Variants in SERPINB13 observed in about 807,000 individuals in gnomAD.
SERPINB13 encodes serpin family B member 13, also known as serpin B13.
Under a neutral mutation model 31.2 loss-of-function variants are expected in SERPINB13, and 26 were observed. The ratio of observed to expected loss-of-function variants is 0.83; its 90% CI spans 0.61 to 1.15. The LOEUF is 1.15. Ranked by LOEUF, SERPINB13 falls within the 50% of genes most tolerant of loss-of-function variation. SERPINB13 has a pLI of 0.00. For missense variants in SERPINB13, 510 were observed against 469.4 expected (o/e 1.09, Z -0.80); for synonymous variants, 191 against 172.4 (o/e 1.11, Z -0.85).
At chr18:63,588,605 G>A (rs1483627437) in intron 1 of SERPINB13, 46 bp from the exon 2 acceptor site, 2 of 1,562,144 alleles carry the variant, frequency 1.3e-6, no homozygotes, top group Admixed American at 3.4e-5. Flanking sequence ...CCCTGACACA[G>A]AGTAATTCAA....
In SERPINB13 at chr18:63,598,197, C is replaced by G. The variant is rs184307966; in HGVS notation, c.*834C>G. ...CTTTTTGGAAAGCTCTGAATCTATACCTAATGCTCTTAATTATTGGCTTGT... is the reference window on the plus strand; with the variant it reads ...CTTTTTGGAAAGCTCTGAATCTATAGCTAATGCTCTTAATTATTGGCTTGT... On this transcript the variant is annotated 3_prime_UTR_variant, in exon 8 of 8. Transcript: ENST00000344731. The G allele has an allele frequency of 6.6e-6, 1 of 150,388 alleles. No individual in the cohort carries two copies. Among genetic ancestry groups the G allele is most frequent in the Non-Finnish European group, 1.5e-5 (1 of 67,770 alleles). The allele number at this position is 150,388 out of a possible 1,614,324, so 9.3% of individuals were successfully genotyped here. A position where few individuals can be genotyped will look rare whatever the true frequency, so the allele number is the denominator to read the frequency against.
At chr18:63,596,896 G>A in intron 7 of SERPINB13, 63 bp from the exon 8 acceptor site, 1 of 1,350,656 alleles carries the variant, frequency 7.4e-7, no homozygotes, top group Non-Finnish European at 1.0e-6. Flanking sequence ...ACAAATCAGT[G>A]TTACACTGTT....
chr18:63,591,983 C>T lies in SERPINB13; in HGVS notation c.226-365C>T, dbSNP rs111490638. 1.1e-4 allele frequency among the ~76,000 whole-genome samples: 17 copies of T among 152,132 alleles called. No individual in the cohort carries two copies. In the South Asian group the frequency reaches 1.2e-3, roughly 11 times the overall value. ...CAAACTTCAATAGATAAGAATCGTC[C>T]GGAGAAATCACTTACTTTCCTTAGA... On this transcript the variant is annotated intron_variant, in intron 3 of 7. Transcript: ENST00000344731.
intron 2 of SERPINB13, 110 bp downstream of exon 2, chr18:63,588,942 A>T (rs1182123511): frequency 5.1e-6 from 6 of 1,167,346 alleles, no homozygotes; most frequent in Middle Eastern, 3.0e-4. Flanking sequence ...TGACCTGTGG[A>T]CCAGGAAACA....
At chr18:63,587,485 T>C in intron 1 of SERPINB13, 35 bp downstream of exon 1, 1 of 467,236 alleles carries the variant, frequency 2.1e-6, no homozygotes, top group Non-Finnish European at 4.4e-6. Context: ...TTAAGACCTC[T>C]GTATTTTGAG....
intron 1 of SERPINB13, among the ~76,000 whole-genome samples, chr18:63,587,833 A>T (rs1386105956): frequency 6.6e-6 from 1 of 152,244 alleles, no homozygotes; most frequent in African/African-American, 2.4e-5. Flanking sequence ...GTTTTAAAGT[A>T]GTTGGTAATG....
rs1912036488 is a variant in SERPINB13, at chr18:63,594,416, G to A, written c.534G>A (p.Val178=). The A allele has an allele frequency of 1.2e-6, 2 of 1,614,038 alleles. No homozygotes were observed. Among genetic ancestry groups the A allele is most frequent in the Non-Finnish European group, 1.7e-6 (2 of 1,179,992 alleles). ...SISSSTKLVL[V]NMVYFKGQWD... Reference sequence around the variant, plus strand: ...GTAGCTCTACCAAGCTGGTGCTGGTGAACATGGTTTATTTTAAAGGGCAAT... The same window carrying A: ...GTAGCTCTACCAAGCTGGTGCTGGTAAACATGGTTTATTTTAAAGGGCAAT... The change falls in exon 6 of 8, where the codon GTG becomes GTA. Residue 178 remains valine, a synonymous_variant. Transcript: ENST00000344731.
chr18:63,596,454 T>A (rs1912172269), intron 7 of SERPINB13, among the ~76,000 whole-genome samples: 1 of 152,222 alleles, frequency 6.6e-6, no homozygotes, highest in Non-Finnish European at 1.5e-5. Flanking sequence ...TTAGTAACTA[T>A]CAAATCTATC....
At chr18:63,588,551 A>G in intron 1 of SERPINB13, 100 bp from the exon 2 acceptor site, 1 of 1,239,410 alleles carries the variant, frequency 8.1e-7, no homozygotes, top group Non-Finnish European at 1.1e-6. Flanking sequence ...AAATCCCTGT[A>G]TTCCGGATCG....
At chr18:63,591,862 T>TC (rs1317927426) in intron 3 of SERPINB13, among the ~76,000 whole-genome samples, 1 of 152,040 alleles carries the variant, frequency 6.6e-6, no homozygotes, top group East Asian at 1.9e-4. Context: ...ATTTTTTTTT[T>TC]CCCCTGGAGA....
intron 2 of SERPINB13, 60 bp downstream of exon 2, chr18:63,588,892 T>C: frequency 1.3e-6 from 2 of 1,543,296 alleles, no homozygotes; most frequent in Non-Finnish European, 8.8e-7. Context: ...GGCGGGGGGG[T>C]TGTCAGCCCT....
intron 2 of SERPINB13, 69 bp from the exon 3 acceptor site, chr18:63,589,587 C>T (rs1345783526): frequency 1.1e-5 from 18 of 1,575,474 alleles, no homozygotes; most frequent in Non-Finnish European, 1.5e-5. Flanking sequence ...CGTCCACTCT[C>T]CCCTGACTGA....
intron 4 of SERPINB13, 69 bp downstream of exon 4, chr18:63,592,545 A>C (rs757001534): frequency 2.7e-6 from 4 of 1,506,380 alleles, no homozygotes; most frequent in Non-Finnish European, 3.6e-6. Context: ...TGGTAGGACT[A>C]TGGGTCCTGA....
chr18:63,588,665 A>G lies in SERPINB13; in HGVS notation c.-3A>G, dbSNP rs755515615. 7 of 1,614,168 alleles carry G rather than the reference A, an allele frequency of 4.3e-6. No homozygotes were observed. In the East Asian group the frequency reaches 1.6e-4, roughly 36 times the overall value. ...TGCTATTCTAGGTCTCGCTAAAATCATCATGGATTCACTTGGCGCCGTCAG... is the reference window on the plus strand; with the variant it reads ...TGCTATTCTAGGTCTCGCTAAAATCGTCATGGATTCACTTGGCGCCGTCAG... On this transcript the variant is annotated 5_prime_UTR_variant, in exon 2 of 8. Transcript: ENST00000344731.
intron 5 of SERPINB13, 24 bp from the exon 6 acceptor site, chr18:63,594,331 C>G (rs11152396): frequency 0.79 from 1,269,956 of 1,611,310 alleles, 501,564 homozygotes; most frequent in East Asian, 0.89. Flanking sequence ...ATGGGTCAAC[C>G]TTTTTCTGTT....
chr18:63,593,074 G>T lies in SERPINB13; in HGVS notation c.472+103G>T, dbSNP rs561191607. 8 of 749,906 alleles carry T rather than the reference G, an allele frequency of 1.1e-5. 1 individual carries two copies. The South Asian group carries it at 1.2e-4, about 11-fold the overall frequency. 46.5% of individuals were successfully genotyped at this position (749,906 alleles called of 1,614,324 possible). ...CTGCTGTGAATGAAGCCCTGGACTT[G>T]TCACTGCGTGGGGTGCCATGCAGTG... On this transcript the variant is annotated intron_variant, in intron 5 of 7. Coordinates refer to ENST00000344731, the MANE Select transcript of SERPINB13 (RefSeq NM_012397.4).
chr18:63,593,104 A>T, intron 5 of SERPINB13, 133 bp downstream of exon 5: 1 of 619,106 alleles, frequency 1.6e-6, no homozygotes, highest in Non-Finnish European at 2.8e-6. Context: ...GCAGTGCACA[A>T]GCTTTGGGAA....
At position 63,592,342 on chromosome 18, in the gene SERPINB13, T is replaced by G; in HGVS notation, c.226-6T>G. 6.2e-7 allele frequency: 1 copy of G among 1,606,170 alleles called. No individual in the cohort carries two copies. Among genetic ancestry groups the G allele is most frequent in the Non-Finnish European group, 8.5e-7 (1 of 1,176,706 alleles). On this transcript the variant is annotated splice_region_variant and splice_polypyrimidine_tract_variant and intron_variant, in intron 3 of 7. Coordinates refer to ENST00000344731, the MANE Select transcript of SERPINB13 (RefSeq NM_012397.4). ...AACCTGTTGAGATTTTGTTTTAATTTTCAAGATTGAGAACACAGAAGCAGT... is the reference window on the plus strand; with the variant it reads ...AACCTGTTGAGATTTTGTTTTAATTGTCAAGATTGAGAACACAGAAGCAGT...
At chr18:63,587,710 C>A (rs182067220) in intron 1 of SERPINB13, among the ~76,000 whole-genome samples, 112 of 152,322 alleles carry the variant, frequency 7.4e-4, no homozygotes, top group African/African-American at 2.7e-3. Context: ...GATGCCTTAG[C>A]GGGGATGAGC....
Sources: allele counts gnomAD v4.1 joint callset (sites outside exome capture counted in the v4.1 genomes callset), GRCh38; gene constraint gnomAD v4.1.1; transcripts MANE v1.5; gene names NCBI Gene and HGNC (gene_info 2026-07-23, HGNC 2026-07-21).